Variants in EBF1 observed in about 807,000 individuals in gnomAD.
EBF1 encodes the protein transcription factor COE1.
EBF1 carries 10 observed loss-of-function variants against 68.4 expected under a neutral mutation model. The ratio of observed to expected loss-of-function variants is 0.15; its 90% CI spans 0.09 to 0.25. EBF1 has a LOEUF of 0.25. Among genes scored for constraint, EBF1 ranks in the 10% least tolerant of loss-of-function variants. The pLI, the probability that EBF1 is intolerant of heterozygous loss-of-function variation, is 1.00. For synonymous variants in EBF1, 298 were observed against 299.8 expected, an observed-to-expected ratio of 0.99 and a Z score of 0.06; for missense variants, 509 against 794.4, an observed-to-expected ratio of 0.64 and a Z score of 4.32.
At chr5:158,744,379 G>T (rs370038340) in intron 10 of EBF1, among the ~76,000 whole-genome samples, 2 of 152,022 alleles carry the variant, frequency 1.3e-5, no homozygotes, top group Admixed American at 6.6e-5. Context: ...TAGTATCACC[G>T]AAACGAGGAA....
At chr5:158,802,634 A>T (rs567412924) in intron 8 of EBF1, among the ~76,000 whole-genome samples, 2 of 152,268 alleles carry the variant, frequency 1.3e-5, no homozygotes, top group South Asian at 4.1e-4. Flanking sequence ...GTTGATTTTA[A>T]CATTTGGAGT....
chr5:159,047,989 G>A (rs1772767903), intron 6 of EBF1, among the ~76,000 whole-genome samples: 1 of 152,100 alleles, frequency 6.6e-6, no homozygotes, highest in East Asian at 1.9e-4. Flanking sequence ...ATTCATCTTT[G>A]CATCACCTGG....
At chr5:158,976,351 C>T (rs1756747351) in intron 6 of EBF1, among the ~76,000 whole-genome samples, 1 of 151,448 alleles carries the variant, frequency 6.6e-6, no homozygotes, top group Non-Finnish European at 1.5e-5. Context: ...TCCCCTCAAC[C>T]CCCCTCCAGC....
intron 6 of EBF1, among the ~76,000 whole-genome samples, chr5:158,882,389 T>C (rs1222001298): frequency 6.6e-6 from 1 of 152,142 alleles, no homozygotes; most frequent in Non-Finnish European, 1.5e-5. Flanking sequence ...TGTTTTCTCC[T>C]TAAAATGAGT....
chr5:158,804,711 T>G (rs1341749930), intron 8 of EBF1, among the ~76,000 whole-genome samples: 7 of 152,140 alleles, frequency 4.6e-5, no homozygotes, highest in Admixed American at 4.6e-4. Flanking sequence ...AGCTCAGAAT[T>G]TTATAACTCA....
intron 15 of EBF1, among the ~76,000 whole-genome samples, chr5:158,706,591 A>G (rs1757929179): frequency 6.6e-6 from 1 of 152,214 alleles, no homozygotes; most frequent in Non-Finnish European, 1.5e-5. Flanking sequence ...GTACTTGTAC[A>G]TAAGAAACAG....
intron 6 of EBF1, among the ~76,000 whole-genome samples, chr5:158,903,513 T>A (rs17056336): frequency 0.019 from 2,834 of 152,178 alleles, 104 homozygotes; most frequent in African/African-American, 0.064. Context: ...TGTCCTCCTG[T>A]CAAGAGCCTG....
intron 4 of EBF1, among the ~76,000 whole-genome samples, chr5:159,085,487 G>A (rs1405862865): frequency 1.3e-5 from 2 of 152,114 alleles, no homozygotes; most frequent in South Asian, 2.1e-4. Context: ...TTTGTAAAAC[G>A]AACATTTTAC....
At chr5:158,967,211 T>C (rs1260903278) in intron 6 of EBF1, among the ~76,000 whole-genome samples, 1 of 152,210 alleles carries the variant, frequency 6.6e-6, no homozygotes, top group Non-Finnish European at 1.5e-5. Context: ...CATGCAGTAG[T>C]GCAGGAGAGA....
intron 7 of EBF1, 116 bp from the exon 8 acceptor site, chr5:158,823,433 A>C: frequency 1.1e-6 from 1 of 952,086 alleles, no homozygotes; most frequent in Non-Finnish European, 1.5e-6. Context: ...GCTATTTCAC[A>C]TAATAACTGG....
At chr5:159,069,280 C>A (rs913763726) in intron 6 of EBF1, among the ~76,000 whole-genome samples, 61 of 151,820 alleles carry the variant, frequency 4.0e-4, no homozygotes, top group African/African-American at 1.4e-3. Flanking sequence ...CACATTGTCA[C>A]CCTTACTTAA....
intron 6 of EBF1, among the ~76,000 whole-genome samples, chr5:158,932,319 CAT>C (rs1053201431): frequency 1.9e-4 from 29 of 152,106 alleles, no homozygotes; most frequent in African/African-American, 6.3e-4. Flanking sequence ...CATTAAAAAA[CAT>C]GTGTTCTCAG....
At chr5:158,755,278 A>G (rs1458021159) in intron 10 of EBF1, among the ~76,000 whole-genome samples, 1 of 151,996 alleles carries the variant, frequency 6.6e-6, no homozygotes, top group Non-Finnish European at 1.5e-5. Flanking sequence ...AATCTTTCCT[A>G]CCCTGAGCCC....
At chr5:159,027,907 C>T (rs1768012676) in intron 6 of EBF1, among the ~76,000 whole-genome samples, 1 of 152,166 alleles carries the variant, frequency 6.6e-6, no homozygotes, top group Admixed American at 6.5e-5. Context: ...TCCCCCAGCT[C>T]ATATGGATCT....
intron 10 of EBF1, among the ~76,000 whole-genome samples, chr5:158,736,284 A>G (rs1053414711): frequency 6.6e-6 from 1 of 152,170 alleles, no homozygotes; most frequent in Non-Finnish European, 1.5e-5. Flanking sequence ...TTGAATACTT[A>G]TTCCTGGAAA....
At chr5:158,846,179 G>A (rs767742303) in intron 6 of EBF1, among the ~76,000 whole-genome samples, 6 of 152,166 alleles carry the variant, frequency 3.9e-5, no homozygotes, top group South Asian at 2.1e-4. Context: ...GCCCAATGCA[G>A]GAAACAGCTG....
At chr5:158,939,824 T>C (rs575230766) in intron 6 of EBF1, among the ~76,000 whole-genome samples, 2 of 152,204 alleles carry the variant, frequency 1.3e-5, no homozygotes, top group Non-Finnish European at 2.9e-5. Flanking sequence ...CATGGAAATC[T>C]GTCCTTCTTG....
At chr5:158,892,420 C>T (rs746363868) in intron 6 of EBF1, among the ~76,000 whole-genome samples, 2 of 152,026 alleles carry the variant, frequency 1.3e-5, no homozygotes, top group East Asian at 1.9e-4. Flanking sequence ...ACCCGGGAGG[C>T]GGAGGCTTCA....
At chr5:158,812,565 C>T (rs981279514) in intron 8 of EBF1, among the ~76,000 whole-genome samples, 3 of 152,160 alleles carry the variant, frequency 2.0e-5, no homozygotes, top group South Asian at 2.1e-4. Context: ...CACCCCCTTC[C>T]GGAGGTACCA....
Sources: gnomAD v4.1 joint callset for allele counts (sites outside exome capture counted in the v4.1 genomes callset) on GRCh38, gnomAD v4.1.1 for gene constraint, MANE v1.5 for transcripts, NCBI Gene and HGNC (gene_info 2026-07-23, HGNC 2026-07-21) for gene names.